Variants in CRIM1 observed in about 807,000 individuals in gnomAD.
CRIM1 encodes the protein cysteine-rich motor neuron 1 protein.
CRIM1 carries 32 observed loss-of-function variants against 116.4 expected under a neutral mutation model. The ratio of observed to expected loss-of-function variants is 0.27; its 90% CI spans 0.21 to 0.37. The LOEUF (loss-of-function observed/expected upper bound fraction) is 0.37, where lower values mean the gene tolerates loss of function less well. Ranked by LOEUF, CRIM1 falls within the 10% of genes least tolerant of loss-of-function variation. The probability of loss-of-function intolerance (pLI) is 1.00; values close to 1 mark genes in which losing one functional copy is unlikely to be tolerated. For synonymous variants in CRIM1, 590 were observed against 509.2 expected (o/e 1.16, Z -2.13); for missense variants, 1,331 against 1,354.8 (o/e 0.98, Z 0.28).
chr2:36,366,313 G>A (rs1669599960), intron 1 of CRIM1, among the ~76,000 whole-genome samples: 2 of 152,024 alleles, frequency 1.3e-5, no homozygotes, highest in South Asian at 4.1e-4. Context: ...AAGAGTGCTG[G>A]TATTCGGACA....
Position 36,508,576 on chromosome 2 carries a change from A to G in CRIM1, c.1502-1407A>G, listed in dbSNP as rs559780638. On this transcript the variant is annotated intron_variant, in intron 8 of 16. Transcript: ENST00000280527. ...CCATTTCACCAGTCCATGTAGAACA[A>G]TATTCAAACATTGCTGTACTTTGGC... 3.9e-5 allele frequency among the ~76,000 whole-genome samples: 6 copies of G among 152,330 alleles called. No homozygotes were observed. In the South Asian group the frequency reaches 1.2e-3, roughly 32 times the overall value.
At chr2:36,473,527 C>T (rs960887334) in intron 5 of CRIM1, among the ~76,000 whole-genome samples, 1 of 152,156 alleles carries the variant, frequency 6.6e-6, no homozygotes, top group Non-Finnish European at 1.5e-5. Flanking sequence ...CATTTTCCCC[C>T]TAAGCTCTCA....
At chr2:36,372,190 G>T (rs1305060473) in intron 1 of CRIM1, among the ~76,000 whole-genome samples, 23 of 152,086 alleles carry the variant, frequency 1.5e-4, no homozygotes, top group Admixed American at 1.5e-3. Context: ...GTGTGACTGG[G>T]AATAATTAAA....
chr2:36,548,523 A>T lies in CRIM1; in HGVS notation c.2935-2A>T. The T allele has an allele frequency of 6.4e-7, 1 of 1,552,826 alleles. No individual in the cohort carries two copies. Among genetic ancestry groups the T allele is most frequent in the Non-Finnish European group, 8.7e-7 (1 of 1,155,880 alleles). The stretch of plus-strand genomic sequence containing the variant: ...GGTTTTATTCCTCCTCTCATTAAAT[A>T]GCCTTCTTCCTTAAATAATCAGCTA... On this transcript the variant is annotated splice_acceptor_variant, in intron 16 of 16. Transcript: ENST00000280527. LOFTEE classifies it high-confidence loss of function.
intron 4 of CRIM1, among the ~76,000 whole-genome samples, chr2:36,457,237 G>A (rs1217777858): frequency 6.6e-6 from 1 of 151,726 alleles, no homozygotes; most frequent in African/African-American, 2.4e-5. Context: ...GAGATTTTGG[G>A]GCACCCATCA....
At chr2:36,401,002 C>T (rs1176222058) in intron 2 of CRIM1, among the ~76,000 whole-genome samples, 6 of 152,034 alleles carry the variant, frequency 3.9e-5, no homozygotes, top group Non-Finnish European at 7.4e-5. Flanking sequence ...GAATGGTATT[C>T]TTGGCAGAGC....
chr2:36,441,133 C>A (rs1167303858), intron 2 of CRIM1, 125 bp from the exon 3 acceptor site: 1 of 1,290,250 alleles, frequency 7.8e-7, no homozygotes, highest in Non-Finnish European at 1.1e-6. Flanking sequence ...TGAAGGTTTA[C>A]ACTGAATTTC....
intron 12 of CRIM1, 84 bp downstream of exon 12, chr2:36,517,626 G>C: frequency 7.2e-7 from 1 of 1,393,888 alleles, no homozygotes; most frequent in East Asian, 2.4e-5. Context: ...CACAGGGCAG[G>C]ATCAGCCCCA....
At chr2:36,403,791 C>T (rs1004079844) in intron 2 of CRIM1, among the ~76,000 whole-genome samples, 4 of 151,920 alleles carry the variant, frequency 2.6e-5, no homozygotes, top group Non-Finnish European at 4.4e-5. Flanking sequence ...AGGAGAGCAG[C>T]TTTGTGGGAG....
chr2:36,441,590 A>G, intron 3 of CRIM1, 90 bp downstream of exon 3: 1 of 1,492,280 alleles, frequency 6.7e-7, no homozygotes, highest in South Asian at 1.2e-5. Flanking sequence ...CTCCTTTCAC[A>G]CGAAGATGGG....
At position 36,548,560 on chromosome 2, in the gene CRIM1, C is replaced by T. The variant is rs747532520; in HGVS notation, c.2970C>T (p.Asp990=). 6.1e-5 allele frequency: 97 copies of T among 1,598,154 alleles called. No homozygotes were observed. Among genetic ancestry groups the T allele is most frequent in the Non-Finnish European group, 8.2e-5 (96 of 1,175,488 alleles). ...TAAATAATCAGCTAGTATCTGTGGACTGCAAGAAAGGAACCAGAGTCCAGG... is the reference window on the plus strand; with the variant it reads ...TAAATAATCAGCTAGTATCTGTGGATTGCAAGAAAGGAACCAGAGTCCAGG... ...SSLNNQLVSV[D]CKKGTRVQVD... Residue 990 remains aspartate, a synonymous_variant, in exon 17 of 17, where the codon GAC becomes GAT. Transcript: ENST00000280527.
At chr2:36,384,532 C>G (rs1487932914) in intron 1 of CRIM1, among the ~76,000 whole-genome samples, 2 of 152,150 alleles carry the variant, frequency 1.3e-5, no homozygotes, top group Non-Finnish European at 2.9e-5. Flanking sequence ...ATATGTTTTT[C>G]AAACATGTTC....
chr2:36,359,789 C>T (rs376723828), intron 1 of CRIM1, among the ~76,000 whole-genome samples: 9 of 152,102 alleles, frequency 5.9e-5, no homozygotes, highest in African/African-American at 2.2e-4. Context: ...AGCATGGAGC[C>T]TGATACCTAA....
chr2:36,502,338 C>A (rs939399460), intron 8 of CRIM1, among the ~76,000 whole-genome samples: 5 of 152,178 alleles, frequency 3.3e-5, no homozygotes, highest in Non-Finnish European at 7.3e-5. Context: ...TGCATATTTA[C>A]CCTATCTTTA....
intron 4 of CRIM1, among the ~76,000 whole-genome samples, chr2:36,455,345 C>A (rs908529404): frequency 1.3e-5 from 2 of 152,188 alleles, no homozygotes. Flanking sequence ...GTGTTCCAGG[C>A]ACTATCCTGG....
intron 8 of CRIM1, among the ~76,000 whole-genome samples, chr2:36,501,219 G>T (rs1445654449): frequency 1.3e-5 from 2 of 152,214 alleles, no homozygotes; most frequent in Admixed American, 6.5e-5. Flanking sequence ...ATGGCTCAGA[G>T]ACTTGGACTT....
chr2:36,436,451 G>C (rs1225331235), intron 2 of CRIM1, among the ~76,000 whole-genome samples: 1 of 152,148 alleles, frequency 6.6e-6, no homozygotes, highest in East Asian at 1.9e-4. Context: ...TGAATCTTAT[G>C]CCTGCTAGTC....
intron 16 of CRIM1, among the ~76,000 whole-genome samples, chr2:36,548,283 T>TTTTTTTTTTTTTTTTTC (rs1667494554): frequency 6.7e-6 from 1 of 148,290 alleles, no homozygotes; most frequent in Non-Finnish European, 1.5e-5. Context: ...TTTTTTTTTT[T>TTTTTTTTTTTTTTTTTC]CAGTTCCTTC....
At chr2:36,406,535 T>A (rs1672808956) in intron 2 of CRIM1, among the ~76,000 whole-genome samples, 1 of 151,880 alleles carries the variant, frequency 6.6e-6, no homozygotes, top group African/African-American at 2.4e-5. Flanking sequence ...CCTTTGCTCA[T>A]GTCAGGAAAA....
Sources: allele counts gnomAD v4.1 joint callset (sites outside exome capture counted in the v4.1 genomes callset), GRCh38; gene constraint gnomAD v4.1.1; transcripts MANE v1.5; gene names NCBI Gene and HGNC (gene_info 2026-07-23, HGNC 2026-07-21).